The following SLCO3A1 variants were observed in gnomAD, a reference collection of about 807,000 sequenced individuals.
SLCO3A1 encodes PGE1 transporter.
In SLCO3A1, 27 loss-of-function variants were observed where a neutral mutation model predicts 63.1. The observed-to-expected ratio is 0.43, with a 90% CI of 0.32 to 0.59. The LOEUF (loss-of-function observed/expected upper bound fraction) is 0.59, where lower values mean the gene tolerates loss of function less well. Ranked by LOEUF, SLCO3A1 falls within the 20% of genes least tolerant of loss-of-function variation. The pLI, the probability that SLCO3A1 is intolerant of heterozygous loss-of-function variation, is 0.09. For synonymous variants in SLCO3A1, 473 were observed against 409.9 expected, an observed-to-expected ratio of 1.15 and a Z score of -1.86; for missense variants, 773 against 945.8, an observed-to-expected ratio of 0.82 and a Z score of 2.40.
rs1414577975 is a variant in SLCO3A1 at position 91,856,471 on chromosome 15, TC to T, written c.180+2384del. Among the ~76,000 whole-genome samples, 2 of 152,226 alleles carry T rather than the reference TC, an allele frequency of 1.3e-5. No individual in the cohort carries two copies. The highest frequency in any genetic ancestry group is 4.8e-5 in the African/African-American group (2 of 41,458). The stretch of plus-strand genomic sequence containing the variant: ...GCTCTTCTGGGCCACTTCAGAGTTT[TC>T]TCTTCATCTGTTATTTGGGAGATGG... On this transcript the variant is annotated intron_variant, in intron 1 of 9. Coordinates refer to ENST00000318445, the MANE Select transcript of SLCO3A1 (RefSeq NM_013272.4). This position sits in a 1 kb window ranked among gnomAD's most constrained non-coding sequence, Gnocchi z 4.9.
At chr15:92,145,489 T>C (rs2048209889) in intron 7 of SLCO3A1, among the ~76,000 whole-genome samples, 1 of 152,192 alleles carries the variant, frequency 6.6e-6, no homozygotes. Flanking sequence ...ACATAGGTCT[T>C]GTCCCGAGGT....
rs553939519 is a variant in SLCO3A1, at chr15:92,041,546, G to A, written c.647-53335G>A. On this transcript the variant is annotated intron_variant, in intron 2 of 9. Coordinates refer to ENST00000318445, the MANE Select transcript of SLCO3A1 (RefSeq NM_013272.4). ...AGACTATGCCAGCCAATGGAGTCTC[G>A]AATGAACTATGTGGTCTCTTCAACC... 5.3e-5 allele frequency among the ~76,000 whole-genome samples: 8 copies of A among 152,300 alleles called. No individual in the cohort carries two copies. In the South Asian group the frequency reaches 1.0e-3, roughly 20 times the overall value.
Position 91,950,132 on chromosome 15 carries a change from A to G in SLCO3A1, c.646+33674A>G, listed in dbSNP as rs1412103047. ...CAAGGGAGGTTTTTAGGAGAAAGGC[A>G]GATTGAAGCTGCCCCTGGGGAAGAA... On this transcript the variant is annotated intron_variant, in intron 2 of 9. Coordinates refer to ENST00000318445, the MANE Select transcript of SLCO3A1 (RefSeq NM_013272.4). This position sits in a 1 kb window ranked among gnomAD's most constrained non-coding sequence, Gnocchi z 4.4. Among the ~76,000 whole-genome samples, 1 of 152,240 alleles carries G rather than the reference A, an allele frequency of 6.6e-6. No individual in the cohort carries two copies. Among genetic ancestry groups the G allele is most frequent in the African/African-American group, 2.4e-5 (1 of 41,462 alleles).
At chr15:91,896,123 C>G (rs1897996718) in intron 1 of SLCO3A1, among the ~76,000 whole-genome samples, 1 of 152,190 alleles carries the variant, frequency 6.6e-6, no homozygotes, top group Non-Finnish European at 1.5e-5. Context: ...ATAAAACAGG[C>G]ATGGTTTAAG....
intron 2 of SLCO3A1, among the ~76,000 whole-genome samples, chr15:92,046,763 G>A (rs2046868702): frequency 1.3e-5 from 2 of 151,118 alleles, no homozygotes; most frequent in South Asian, 4.2e-4. Flanking sequence ...TATAGTCCCA[G>A]CTTAGGATTT....
chr15:92,016,921 A>T (rs1364922396), intron 2 of SLCO3A1, among the ~76,000 whole-genome samples: 1 of 152,224 alleles, frequency 6.6e-6, no homozygotes, highest in African/African-American at 2.4e-5. Flanking sequence ...TTGATCGCAC[A>T]TTTGAAAATT....
In SLCO3A1 at chr15:92,164,333, A is replaced by AAG; in HGVS notation, c.*1203_*1204dup. The stretch of plus-strand genomic sequence containing the variant: ...CAAGAAGAAAAAAAAATGCTTCAAA[A>AAG]AGAGAGTGTATATGCAGCCTGCCTT... On this transcript the variant is annotated 3_prime_UTR_variant, in exon 10 of 10. Coordinates refer to ENST00000318445, the MANE Select transcript of SLCO3A1 (RefSeq NM_013272.4). 1.0e-6 allele frequency: 1 copy of AAG among 985,358 alleles called. No individual in the cohort carries two copies. Among genetic ancestry groups the AAG allele is most frequent in the Non-Finnish European group, 1.2e-6 (1 of 829,836 alleles). The allele number at this position is 985,358 out of a possible 1,614,324, so 61.0% of individuals were successfully genotyped here.
At chr15:92,146,636 A>G (rs1431273448) in intron 7 of SLCO3A1, among the ~76,000 whole-genome samples, 1 of 152,252 alleles carries the variant, frequency 6.6e-6, no homozygotes, top group Non-Finnish European at 1.5e-5. Flanking sequence ...GCAAGTAATT[A>G]CAATGTTAAT....
intron 2 of SLCO3A1, among the ~76,000 whole-genome samples, chr15:91,993,634 A>G (rs1011600197): frequency 1.3e-5 from 2 of 152,260 alleles, no homozygotes; most frequent in Admixed American, 6.5e-5. Context: ...TTTTAATTTA[A>G]TAGACTTGGT....
Position 92,150,960 on chromosome 15 carries a change from C to T in SLCO3A1, c.1699C>T (p.Pro567Ser). 1 of 1,612,332 alleles carries T rather than the reference C, an allele frequency of 6.2e-7. No individual in the cohort carries two copies. The highest frequency in any genetic ancestry group is 8.5e-7 in the Non-Finnish European group (1 of 1,179,348). Reference sequence around the variant, plus strand: ...TCTCTTTGCACGTAGGACAGTCAGCCCTGAACTCAAGTCTTACGCTTTGGG... The same window carrying T: ...TCTCTTTGCACGTAGGACAGTCAGCTCTGAACTCAAGTCTTACGCTTTGGG... ...SVIILIRTVS[P>S]ELKSYALGVL... Residue 567 changes from proline to serine, a missense_variant, in exon 9 of 10, where the codon CCT (proline) becomes TCT (serine). Around this residue, in one of 3 missense-constraint regions of SLCO3A1, gnomAD observed 565 missense variants for 749.8 expected, o/e 0.75. Transcript: ENST00000318445.
intron 2 of SLCO3A1, among the ~76,000 whole-genome samples, chr15:91,962,508 G>T (rs1445365379): frequency 6.7e-6 from 1 of 148,298 alleles, no homozygotes; most frequent in East Asian, 2.0e-4. Context: ...AAAAGAGCAA[G>T]GATTTCCTGT....
At chr15:92,117,774 C>G (rs11074041) in intron 4 of SLCO3A1, among the ~76,000 whole-genome samples, 124,054 of 152,154 alleles carry the variant, frequency 0.82, 50,854 homozygotes, top group East Asian at 0.95. Flanking sequence ...TGAGGATAGA[C>G]TTGTAACATC....
At chr15:92,016,254 T>TAGATAGATAGATTAGATAGA in intron 2 of SLCO3A1, among the ~76,000 whole-genome samples, 1,213 of 95,504 alleles carry the variant, frequency 0.013, 16 homozygotes, top group Non-Finnish European at 0.016. Context: ...GATAGATAGA[T>TAGATAGATAGATTAGATAGA]TAGATAGATA....
intron 2 of SLCO3A1, among the ~76,000 whole-genome samples, chr15:92,028,751 A>G (rs1168236068): frequency 1.3e-5 from 2 of 152,162 alleles, no homozygotes; most frequent in African/African-American, 4.8e-5. Flanking sequence ...AAGATGCTGC[A>G]ATTAGGGGTT....
chr15:91,984,653 G>A (rs948494081), intron 2 of SLCO3A1, among the ~76,000 whole-genome samples: 1 of 152,174 alleles, frequency 6.6e-6, no homozygotes, highest in East Asian at 1.9e-4. Flanking sequence ...ATTGTAAAAT[G>A]TCTTACTAGC....
intron 7 of SLCO3A1, among the ~76,000 whole-genome samples, chr15:92,136,062 C>A (rs1226987992): frequency 6.6e-6 from 1 of 152,124 alleles, no homozygotes; most frequent in Non-Finnish European, 1.5e-5. Context: ...TTTGAGACTG[C>A]AGTAAGCTAT....
chr15:92,090,244 A>G (rs1596090836), intron 2 of SLCO3A1, among the ~76,000 whole-genome samples: 1 of 152,296 alleles, frequency 6.6e-6, no homozygotes, highest in South Asian at 2.1e-4. Flanking sequence ...TCCAGTGTTG[A>G]CACCATAGGC....
intron 2 of SLCO3A1, among the ~76,000 whole-genome samples, chr15:92,072,296 T>G (rs538058792): frequency 3.9e-5 from 6 of 151,998 alleles, no homozygotes; most frequent in African/African-American, 1.4e-4. Flanking sequence ...TCAACCTTTG[T>G]TTTCTTTTTC....
chr15:91,956,937 G>A (rs1331611300), intron 2 of SLCO3A1, among the ~76,000 whole-genome samples: 3 of 82,470 alleles, frequency 3.6e-5, no homozygotes, highest in Non-Finnish European at 4.7e-5. Context: ...ACAGGCGCGC[G>A]CCACCATGCC....
Sources: gnomAD v4.1 joint callset for allele counts (sites outside exome capture counted in the v4.1 genomes callset) on GRCh38, gnomAD v4.1.1 for gene constraint, gnomAD v4.1.1 regional missense constraint, Gnocchi (gnomAD v3.1) non-coding constraint, MANE v1.5 for transcripts, NCBI Gene and HGNC (gene_info 2026-07-23, HGNC 2026-07-21) for gene names.